EIF2S1: variants seen among roughly 807,000 people sequenced by gnomAD.
The protein encoded by EIF2S1 is eukaryotic translation initiation factor 2 subunit alpha.
In EIF2S1, 5 loss-of-function variants were observed where a neutral mutation model predicts 33.5. The observed-to-expected ratio is 0.15, with a 90% CI of 0.08 to 0.31. The LOEUF (loss-of-function observed/expected upper bound fraction) is 0.31, where lower values mean the gene tolerates loss of function less well. EIF2S1 is among the 10% of genes least tolerant of loss of function. EIF2S1 has a pLI of 1.00. For missense variants in EIF2S1, 191 were observed against 384.6 expected (o/e 0.50, Z 4.21); for synonymous variants, 99 against 127.5 (o/e 0.78, Z 1.51).
intron 2 of EIF2S1, among the ~76,000 whole-genome samples, chr14:67,371,219 A>G (rs2085818627): frequency 6.6e-6 from 1 of 152,130 alleles, no homozygotes; most frequent in Non-Finnish European, 1.5e-5. Context: ...TTTCAAGACC[A>G]GCCTGGCAAT....
chr14:67,375,047 T>A (rs1331156035), intron 3 of EIF2S1, among the ~76,000 whole-genome samples: 2 of 152,138 alleles, frequency 1.3e-5, no homozygotes, highest in African/African-American at 2.4e-5. Flanking sequence ...TAGTTTTGGT[T>A]TTTTTCCCCC....
At chr14:67,360,499 T>A (rs1266589501) in intron 1 of EIF2S1, 43 bp downstream of exon 1, 1 of 325,982 alleles carries the variant, frequency 3.1e-6, no homozygotes, top group Admixed American at 4.9e-5. Flanking sequence ...CTCACTTTGG[T>A]TTGTGTCCAG....
In EIF2S1 at chr14:67,360,339, A is replaced by G. The variant is rs1322877708; in HGVS notation, c.-119A>G. 2 of 397,448 alleles carry G rather than the reference A, an allele frequency of 5.0e-6. No homozygotes were observed. Among genetic ancestry groups the G allele is most frequent in the Non-Finnish European group, 8.9e-6 (2 of 225,604 alleles). 24.6% of individuals were successfully genotyped at this position (397,448 alleles called of 1,614,324 possible). On this transcript the variant is annotated 5_prime_UTR_variant, in exon 1 of 8. Coordinates refer to ENST00000256383, the MANE Select transcript of EIF2S1 (RefSeq NM_004094.5). ...CGAGGAGGTTCCGCATGCGCGGTGGAGTGAGCGAAGCGCACGCTGAGGAGG... is the reference window on the plus strand; with the variant it reads ...CGAGGAGGTTCCGCATGCGCGGTGGGGTGAGCGAAGCGCACGCTGAGGAGG...
Position 67,367,046 on chromosome 14 carries a change from G to A in EIF2S1, c.241+2038G>A, listed in dbSNP as rs575429145. Among the ~76,000 whole-genome samples the A allele has an allele frequency of 2.0e-5, 3 of 152,198 alleles. No homozygotes were observed. In the South Asian group the frequency reaches 6.2e-4, roughly 32 times the overall value. ...AAAGGAGGCGGCAGGCACAAAGGGA[G>A]ATCCCCTAAGTCTATATAAATTCTT... On this transcript the variant is annotated intron_variant, in intron 2 of 7. Transcript: ENST00000256383.
intron 2 of EIF2S1, among the ~76,000 whole-genome samples, chr14:67,365,481 C>T (rs963493559): frequency 2.0e-5 from 3 of 152,112 alleles, no homozygotes; most frequent in Non-Finnish European, 4.4e-5. Context: ...TATATACACA[C>T]CTGAAATCCA....
rs925370391 is a variant in EIF2S1, at chr14:67,384,124, T to C, written c.*684T>C. On this transcript the variant is annotated 3_prime_UTR_variant, in exon 8 of 8. Coordinates refer to ENST00000256383, the MANE Select transcript of EIF2S1 (RefSeq NM_004094.5). ...GTGCCTTTTATCTATTTGAGATTGATGACAACCTGTGTGAGAGAATTTATC... is the reference window on the plus strand; with the variant it reads ...GTGCCTTTTATCTATTTGAGATTGACGACAACCTGTGTGAGAGAATTTATC... The C allele has an allele frequency of 6.6e-6, 1 of 152,508 alleles. No individual in the cohort carries two copies. The highest frequency in any genetic ancestry group is 1.5e-5 in the Non-Finnish European group (1 of 68,284). The allele number at this position is 152,508 out of a possible 1,614,324, so 9.4% of individuals were successfully genotyped here. A position where few individuals can be genotyped will look rare whatever the true frequency, so the allele number is the denominator to read the frequency against.
rs1412412824 is a variant in EIF2S1, at chr14:67,384,078, TGAAA to T, written c.*642_*645del. The T allele has an allele frequency of 6.5e-6, 1 of 154,748 alleles. No individual in the cohort carries two copies. Among genetic ancestry groups the T allele is most frequent in the Non-Finnish European group, 1.4e-5 (1 of 69,780 alleles). 9.6% of individuals were successfully genotyped at this position (154,748 alleles called of 1,614,324 possible). Reference sequence around the variant, plus strand: ...AGCGGGACAAAGCCTTAAAATGCATTGAAAGAATTAGATCGGTTCTGTGCCTTTT... The same window carrying T: ...AGCGGGACAAAGCCTTAAAATGCATTGAATTAGATCGGTTCTGTGCCTTTT... On this transcript the variant is annotated 3_prime_UTR_variant, in exon 8 of 8. Transcript: ENST00000256383.
At chr14:67,379,956 A>G (rs769508223) in intron 4 of EIF2S1, among the ~76,000 whole-genome samples, 2 of 151,978 alleles carry the variant, frequency 1.3e-5, no homozygotes, top group Admixed American at 6.5e-5. Context: ...AGGTCTTGCT[A>G]TGTTGCCTAG....
chr14:67,361,140 A>C (rs2085735710), intron 1 of EIF2S1, among the ~76,000 whole-genome samples: 1 of 152,248 alleles, frequency 6.6e-6, no homozygotes, highest in Non-Finnish European at 1.5e-5. Context: ...ACCTAAGATA[A>C]GGATATATTT....
intron 2 of EIF2S1, among the ~76,000 whole-genome samples, chr14:67,371,206 G>A (rs998819103): frequency 2.6e-5 from 4 of 152,100 alleles, no homozygotes; most frequent in African/African-American, 9.7e-5. Flanking sequence ...CTTGAGGTCA[G>A]GATTTCAAGA....
chr14:67,368,888 T>C (rs2085799532), intron 2 of EIF2S1, among the ~76,000 whole-genome samples: 1 of 151,966 alleles, frequency 6.6e-6, no homozygotes, highest in Non-Finnish European at 1.5e-5. Context: ...AAATACACTA[T>C]TGTAAAAGCC....
At position 67,384,269 on chromosome 14, in the gene EIF2S1, A is replaced by T. The variant is rs1005244700; in HGVS notation, c.*829A>T. ...TTTTTATTTAGTTGGAATATCACCC[A>T]ATTTTTTATTTTTATTGCTATTAAA... On this transcript the variant is annotated 3_prime_UTR_variant, in exon 8 of 8. Transcript: ENST00000256383. 1 of 151,986 alleles carries T rather than the reference A, an allele frequency of 6.6e-6. No homozygotes were observed. Among genetic ancestry groups the T allele is most frequent in the South Asian group, 2.1e-4 (1 of 4,826 alleles). The allele number at this position is 151,986 out of a possible 1,614,324, so 9.4% of individuals were successfully genotyped here.
At position 67,382,576 on chromosome 14, in the gene EIF2S1, A is replaced by C. The variant is rs746620818; in HGVS notation, c.808A>C (p.Asn270His). ...GATTGAGGAAAAGAGGGGTGTGTTC[A>C]ATGTTCAAATGGAGGTGAGATCAAT... Reference protein sequence around the residue: ...EKIEEKRGVFNVQMEPKVVTD... With the variant: ...EKIEEKRGVFHVQMEPKVVTD... Residue 270 changes from asparagine (N) to histidine (H), a missense_variant, in exon 7 of 8, where the codon AAT becomes CAT. Asn to His is a moderately conservative substitution (Grantham distance 68). Coordinates refer to ENST00000256383, the MANE Select transcript of EIF2S1 (RefSeq NM_004094.5). 3.1e-6 allele frequency: 5 copies of C among 1,613,882 alleles called. No individual in the cohort carries two copies. The South Asian group carries it at 3.3e-5, about 11-fold the overall frequency.
rs1221330765 is a variant in EIF2S1 at position 67,385,748 on chromosome 14, CTG to C, written c.*2310_*2311del. The C allele has an allele frequency of 3.3e-5, 5 of 149,770 alleles. No homozygotes were observed. The Admixed American group carries it at 3.4e-4, about 10-fold the overall frequency. 9.3% of individuals were successfully genotyped at this position (149,770 alleles called of 1,614,324 possible). A position where few individuals can be genotyped will look rare whatever the true frequency, so the allele number is the denominator to read the frequency against. On this transcript the variant is annotated 3_prime_UTR_variant, in exon 8 of 8. Coordinates refer to ENST00000256383, the MANE Select transcript of EIF2S1 (RefSeq NM_004094.5). ...TCAAGCTATCCTCCTGCCTCTGCCT[CTG>C]TAAGAGTGTGAGCCACCATGCCCCA...
intron 2 of EIF2S1, among the ~76,000 whole-genome samples, chr14:67,373,383 G>A (rs1188656881): frequency 1.3e-5 from 2 of 152,082 alleles, no homozygotes; most frequent in African/African-American, 4.8e-5. Flanking sequence ...CAGTGTATAT[G>A]AACAGAATAT....
At chr14:67,376,682 C>A in intron 4 of EIF2S1, 92 bp downstream of exon 4, 1 of 1,366,134 alleles carries the variant, frequency 7.3e-7, no homozygotes, top group Non-Finnish European at 1.0e-6. Flanking sequence ...AAAATACTTG[C>A]CAAATTTAGA....
rs1369915275 is a variant in EIF2S1, at chr14:67,382,486, A to G, written c.718A>G (p.Thr240Ala). 1 of 1,613,688 alleles carries G rather than the reference A, an allele frequency of 6.2e-7. No homozygotes were observed. The highest frequency in any genetic ancestry group is 1.3e-5 in the African/African-American group (1 of 74,894). The change falls in exon 7 of 8, where the codon ACA (threonine) becomes GCA (alanine). Residue 240 changes from threonine to alanine, a missense_variant. Thr to Ala is a moderately conservative substitution (Grantham distance 58, BLOSUM62 0). Transcript: ENST00000256383. ...TCCTCCTCGGTATGTAATGACTACG[A>G]CAACCCTGGAGAGAACAGAAGGCCT... The part of the protein sequence containing the change: ...IAPPRYVMTT[T>A]TLERTEGLSV...
intron 4 of EIF2S1, among the ~76,000 whole-genome samples, chr14:67,378,337 T>G (rs1037530067): frequency 6.9e-6 from 1 of 144,046 alleles, no homozygotes; most frequent in Non-Finnish European, 1.5e-5. Context: ...TTTTTTTTTT[T>G]GGTATATCAC....
rs1305397668 is a variant in EIF2S1 at position 67,385,466 on chromosome 14, T to C, written c.*2026T>C. On this transcript the variant is annotated 3_prime_UTR_variant, in exon 8 of 8. Coordinates refer to ENST00000256383, the MANE Select transcript of EIF2S1 (RefSeq NM_004094.5). ...AAAAAAAAAAAAAAAACCAAAAATC[T>C]TGAATCTCCCATCAAAGCCTTTTCA... The C allele has an allele frequency of 2.6e-5, 4 of 151,158 alleles. No individual in the cohort carries two copies. Among genetic ancestry groups the C allele is most frequent in the Non-Finnish European group, 5.9e-5 (4 of 67,850 alleles). The allele number at this position is 151,158 out of a possible 1,614,324, so 9.4% of individuals were successfully genotyped here. A position where few individuals can be genotyped will look rare whatever the true frequency, so the allele number is the denominator to read the frequency against.
Sources: allele counts gnomAD v4.1 joint callset (sites outside exome capture counted in the v4.1 genomes callset), GRCh38; gene constraint gnomAD v4.1.1; transcripts MANE v1.5; gene names NCBI Gene and HGNC (gene_info 2026-07-23, HGNC 2026-07-21).